CTNNA2: variants seen among roughly 807,000 people sequenced by gnomAD.
CTNNA2 encodes the protein catenin alpha 2, also known as catenin alpha-2.
CTNNA2 carries 42 observed loss-of-function variants against 101.0 expected under a neutral mutation model. The observed-to-expected ratio is 0.42, with a 90% CI of 0.32 to 0.54. The LOEUF is 0.54. Ranked by LOEUF, CTNNA2 falls within the 20% of genes least tolerant of loss-of-function variation. CTNNA2 has a pLI of 0.14. For missense variants in CTNNA2, 871 were observed against 1,223.1 expected (o/e 0.71, Z 4.29); for synonymous variants, 450 against 456.4 (o/e 0.99, Z 0.18).
At chr2:80,221,691 G>A (rs1053786134) in intron 7 of CTNNA2, among the ~76,000 whole-genome samples, 20 of 152,126 alleles carry the variant, frequency 1.3e-4, no homozygotes, top group African/African-American at 4.6e-4. Flanking sequence ...AAATGGATCC[G>A]ATGCTGCACT....
intron 7 of CTNNA2, among the ~76,000 whole-genome samples, chr2:80,101,941 T>C (rs1374930794): frequency 2.0e-5 from 3 of 152,154 alleles, no homozygotes; most frequent in Admixed American, 6.5e-5. Flanking sequence ...GGAAGTCTGC[T>C]CTTGTAGATT....
At chr2:79,717,793 T>A (rs138776629) in intron 2 of CTNNA2, among the ~76,000 whole-genome samples, 1 of 152,278 alleles carries the variant, frequency 6.6e-6, no homozygotes, top group Non-Finnish European at 1.5e-5. Flanking sequence ...AGGGCCAACG[T>A]CAGAGACTGT....
At chr2:79,797,997 T>C (rs1675854876) in intron 3 of CTNNA2, among the ~76,000 whole-genome samples, 1 of 152,148 alleles carries the variant, frequency 6.6e-6, no homozygotes, top group African/African-American at 2.4e-5. Flanking sequence ...TTCTCATATG[T>C]ATATTCCCTG....
chr2:79,299,020 T>A (rs1676046073), intron 2 of CTNNA2, among the ~76,000 whole-genome samples: 1 of 152,240 alleles, frequency 6.6e-6, no homozygotes, highest in African/African-American at 2.4e-5. Flanking sequence ...TTTATCATCA[T>A]TAAGTATTCT....
chr2:80,024,004 G>A (rs915164947), intron 7 of CTNNA2, among the ~76,000 whole-genome samples: 3 of 149,628 alleles, frequency 2.0e-5, no homozygotes, highest in Admixed American at 1.3e-4. Context: ...GGAGAACGGC[G>A]TAAACCCGGG....
intron 4 of CTNNA2, among the ~76,000 whole-genome samples, chr2:79,404,710 T>TTAATCTAGTGTTTGGAATCTGA (rs1397261994): frequency 2.0e-5 from 3 of 152,052 alleles, no homozygotes; most frequent in Non-Finnish European, 4.4e-5. Flanking sequence ...CTGGGAAGAT[T>TTAATCTAGTGTTTGGAATCTGA]TAATCTAGTG....
At chr2:79,420,779 G>A (rs138149432) in intron 4 of CTNNA2, among the ~76,000 whole-genome samples, 22 of 152,090 alleles carry the variant, frequency 1.4e-4, no homozygotes, top group Admixed American at 7.2e-4. Context: ...TTTATAAGCC[G>A]TTTCTCCTCC....
At chr2:80,441,358 A>G (rs1409846435) in intron 9 of CTNNA2, among the ~76,000 whole-genome samples, 2 of 152,150 alleles carry the variant, frequency 1.3e-5, no homozygotes, top group Non-Finnish European at 2.9e-5. Flanking sequence ...TTTTTCAGGA[A>G]GGAGTAGGGC....
At chr2:80,170,209 ATCTCTCTC>A (rs1157144222) in intron 7 of CTNNA2, among the ~76,000 whole-genome samples, 2 of 144,314 alleles carry the variant, frequency 1.4e-5, no homozygotes, top group East Asian at 2.1e-4. Context: ...CTCTCTCTCT[ATCTCTCTC>A]TCTCTCTCTC....
chr2:80,601,229 T>C (rs985174640), intron 15 of CTNNA2, among the ~76,000 whole-genome samples: 12 of 152,058 alleles, frequency 7.9e-5, no homozygotes, highest in African/African-American at 2.9e-4. Context: ...GTGTACCACC[T>C]AAGTGAGCAT....
At chr2:79,586,037 G>A (rs754241171) in intron 1 of CTNNA2, among the ~76,000 whole-genome samples, 15 of 152,136 alleles carry the variant, frequency 9.9e-5, no homozygotes, top group Non-Finnish European at 2.1e-4. Context: ...AAAACTCTGT[G>A]AAGAACAAAA....
At chr2:80,216,695 G>A (rs144180291) in intron 7 of CTNNA2, among the ~76,000 whole-genome samples, 1 of 152,322 alleles carries the variant, frequency 6.6e-6, no homozygotes, top group African/African-American at 2.4e-5. Flanking sequence ...CCAGCCTCCA[G>A]AACGGTGAGA....
chr2:80,063,521 T>A (rs1697753626), intron 7 of CTNNA2, among the ~76,000 whole-genome samples: 1 of 152,252 alleles, frequency 6.6e-6, no homozygotes, highest in Non-Finnish European at 1.5e-5. Flanking sequence ...GTTTTTTGTA[T>A]CGTAGTACCT....
chr2:79,774,338 A>G (rs1558918097), intron 3 of CTNNA2, among the ~76,000 whole-genome samples: 1 of 152,182 alleles, frequency 6.6e-6, no homozygotes, highest in Non-Finnish European at 1.5e-5. Context: ...AGCCTAGCTG[A>G]CCCTGTAGTT....
intron 3 of CTNNA2, among the ~76,000 whole-genome samples, chr2:79,828,383 G>A (rs1012662444): frequency 4.6e-5 from 7 of 152,092 alleles, no homozygotes; most frequent in Non-Finnish European, 1.0e-4. Flanking sequence ...GCAAAATAAC[G>A]CAAATACAAC....
At chr2:79,832,879 T>G (rs990685732) in intron 3 of CTNNA2, among the ~76,000 whole-genome samples, 1 of 152,216 alleles carries the variant, frequency 6.6e-6, no homozygotes, top group Admixed American at 6.5e-5. Context: ...GACCATTGTG[T>G]TTTTACTATT....
At chr2:80,570,326 C>T (rs1018308095) in intron 12 of CTNNA2, among the ~76,000 whole-genome samples, 5 of 152,134 alleles carry the variant, frequency 3.3e-5, no homozygotes, top group African/African-American at 1.2e-4. Context: ...TGGAATTACA[C>T]GTGTGAGCCA....
chr2:79,675,207 G>C (rs978585709), intron 2 of CTNNA2, among the ~76,000 whole-genome samples: 1 of 152,128 alleles, frequency 6.6e-6, no homozygotes, highest in Non-Finnish European at 1.5e-5. Flanking sequence ...AAGAACAATG[G>C]GAGAATTAGT....
At chr2:79,771,330 C>G (rs1289241627) in intron 3 of CTNNA2, among the ~76,000 whole-genome samples, 2 of 152,152 alleles carry the variant, frequency 1.3e-5, no homozygotes, top group East Asian at 1.9e-4. Flanking sequence ...TTTCTGGCAC[C>G]AGGGACCAGT....
Sources: gnomAD v4.1 joint callset for allele counts (sites outside exome capture counted in the v4.1 genomes callset) on GRCh38, gnomAD v4.1.1 for gene constraint, MANE v1.5 for transcripts, NCBI Gene and HGNC (gene_info 2026-07-23, HGNC 2026-07-21) for gene names.